Variants in ANGEL1 observed in about 807,000 individuals in gnomAD.
ANGEL1 encodes angel homolog 1.
ANGEL1 carries 62 observed loss-of-function variants against 76.4 expected under a neutral mutation model. That is an observed-to-expected ratio of 0.81 (90% CI 0.66 to 1.00). The LOEUF is 1.00. Ranked by LOEUF, ANGEL1 falls within the 50% of genes least tolerant of loss-of-function variation. The pLI is 0.00. For synonymous variants in ANGEL1, 340 were observed against 331.7 expected, an observed-to-expected ratio of 1.03 and a Z score of -0.27; for missense variants, 737 against 836.7, an observed-to-expected ratio of 0.88 and a Z score of 1.47.
intron 7 of ANGEL1, among the ~76,000 whole-genome samples, chr14:76,794,398 G>A (rs946830725): frequency 2.6e-5 from 4 of 152,048 alleles, no homozygotes; most frequent in Admixed American, 6.6e-5. Context: ...TAGGCCAGGC[G>A]CAGTGGCTCA....
chr14:76,793,713 A>G (rs1894490007), intron 7 of ANGEL1, among the ~76,000 whole-genome samples: 1 of 151,988 alleles, frequency 6.6e-6, no homozygotes, highest in Non-Finnish European at 1.5e-5. Flanking sequence ...AATCTATCTT[A>G]TCCATGGGGG....
intron 9 of ANGEL1, 129 bp downstream of exon 9, chr14:76,790,482 G>T: frequency 6.9e-7 from 1 of 1,459,668 alleles, no homozygotes. Flanking sequence ...CCAGTGCAAG[G>T]GAGGTATGAA....
At position 76,806,440 on chromosome 14, in the gene ANGEL1, C is replaced by A; in HGVS notation, c.1356G>T (p.Gln452His). 1 of 1,613,588 alleles carries A rather than the reference C, an allele frequency of 6.2e-7. No individual in the cohort carries two copies. The highest frequency in any genetic ancestry group is 2.2e-5 in the East Asian group (1 of 44,846). Residue 452 changes from glutamine (Q) to histidine (H), a missense_variant, in exon 5 of 10, where the codon CAG becomes CAT. Coordinates refer to ENST00000251089, the MANE Select transcript of ANGEL1 (RefSeq NM_015305.4). Reference sequence around the variant, plus strand: ...CCTTCCAGGCTGGCATCCCATGGTACTGGAGCTCTCCATCCCTGATGAAGT... The same window carrying A: ...CCTTCCAGGCTGGCATCCCATGGTAATGGAGCTCTCCATCCCTGATGAAGT... ...LYNFIRDGEL[Q>H]YHGMPAWKVS...
rs757378080 is a variant in ANGEL1 at position 76,809,246 on chromosome 14, C to G, written c.462G>C (p.Ser154=). ...GSMWAAIPMQ[S]EPQYADCAAL... ...CAGCACAGTCTGCATACTGGGGCTC[C>G]GACTGCATGGGGATAGCTGCCCACA... Residue 154 remains serine, a synonymous_variant, in exon 2 of 10, where the codon TCG becomes TCC. Transcript: ENST00000251089. 6.2e-7 allele frequency: 1 copy of G among 1,613,016 alleles called. No individual in the cohort carries two copies. Among genetic ancestry groups the G allele is most frequent in the Non-Finnish European group, 8.5e-7 (1 of 1,179,532 alleles).
chr14:76,789,030 G>A lies in ANGEL1; in HGVS notation c.*198C>T, dbSNP rs1241201339. 1.4e-5 allele frequency: 9 copies of A among 664,314 alleles called. No homozygotes were observed. The highest frequency in any genetic ancestry group is 1.1e-4 in the South Asian group (6 of 52,426). 41.2% of individuals were successfully genotyped at this position (664,314 alleles called of 1,614,324 possible). A position where few individuals can be genotyped will look rare whatever the true frequency, so the allele number is the denominator to read the frequency against. On this transcript the variant is annotated 3_prime_UTR_variant, in exon 10 of 10. Transcript: ENST00000251089. Reference sequence around the variant, plus strand: ...TGTGGCACAGGATTAGGAAGAGGCTGGGGTGGGGCAAGGACCACAGGCAGA... The same window carrying A: ...TGTGGCACAGGATTAGGAAGAGGCTAGGGTGGGGCAAGGACCACAGGCAGA...
intron 5 of ANGEL1, chr14:76,804,373 A>G (rs1894854056): frequency 1.9e-6 from 2 of 1,031,180 alleles, no homozygotes; most frequent in African/African-American, 1.7e-5. Flanking sequence ...AAAGCACTTT[A>G]CCGTATCTAC....
intron 2 of ANGEL1, among the ~76,000 whole-genome samples, chr14:76,808,559 C>T (rs1239984343): frequency 6.6e-6 from 1 of 152,172 alleles, no homozygotes; most frequent in Non-Finnish European, 1.5e-5. Context: ...GTCTGTGGGA[C>T]TAGAAACTAT....
At position 76,787,235 on chromosome 14, in the gene ANGEL1, G is replaced by C. The variant is rs1894281784; in HGVS notation, c.*1993C>G. On this transcript the variant is annotated 3_prime_UTR_variant, in exon 10 of 10. Coordinates refer to ENST00000251089, the MANE Select transcript of ANGEL1 (RefSeq NM_015305.4). ...AATCCCTTCAGGATCCTAATAAAAT[G>C]AACAACATTGGGGGGAAAAAAGGTA... The C allele has an allele frequency of 6.6e-6, 1 of 151,994 alleles. No individual in the cohort carries two copies. The allele number at this position is 151,994 out of a possible 1,614,324, so 9.4% of individuals were successfully genotyped here. A position where few individuals can be genotyped will look rare whatever the true frequency, so the allele number is the denominator to read the frequency against.
At chr14:76,803,562 C>T (rs1014395349) in intron 6 of ANGEL1, 81 bp from the exon 7 acceptor site, 2 of 1,433,604 alleles carry the variant, frequency 1.4e-6, no homozygotes, top group South Asian at 1.2e-5. Context: ...AAGCAACTTC[C>T]AGCATAGGTA....
At chr14:76,809,000 T>C in intron 2 of ANGEL1, 59 bp downstream of exon 2, 1 of 1,494,128 alleles carries the variant, frequency 6.7e-7, no homozygotes, top group Non-Finnish European at 9.1e-7. Flanking sequence ...TAGCAATGGC[T>C]CTGCCCACAC....
chr14:76,808,666 CA>C (rs1220966877), intron 2 of ANGEL1, among the ~76,000 whole-genome samples: 5 of 152,274 alleles, frequency 3.3e-5, no homozygotes, highest in African/African-American at 9.6e-5. Context: ...CAATATACAA[CA>C]CAAATAAAAC....
rs1365265850 is a variant in ANGEL1 at position 76,788,120 on chromosome 14, T to C, written c.*1108A>G. The C allele has an allele frequency of 6.6e-6, 1 of 152,226 alleles. No homozygotes were observed. Among genetic ancestry groups the C allele is most frequent in the Non-Finnish European group, 1.5e-5 (1 of 68,062 alleles). 9.4% of individuals were successfully genotyped at this position (152,226 alleles called of 1,614,324 possible). On this transcript the variant is annotated 3_prime_UTR_variant, in exon 10 of 10. Coordinates refer to ENST00000251089, the MANE Select transcript of ANGEL1 (RefSeq NM_015305.4). Reference sequence around the variant, plus strand: ...TGGAAGGGAAGCGGGAGATGGGAGATAGCAGAAAGTAAAAAGTGGTGGAAG... The same window carrying C: ...TGGAAGGGAAGCGGGAGATGGGAGACAGCAGAAAGTAAAAAGTGGTGGAAG...
intron 7 of ANGEL1, among the ~76,000 whole-genome samples, chr14:76,800,545 C>T (rs1355311510): frequency 6.6e-6 from 1 of 152,230 alleles, no homozygotes; most frequent in African/African-American, 2.4e-5. Flanking sequence ...GTTTTCCCAG[C>T]CATTGCCTTC....
At chr14:76,790,460 T>C (rs1894370646) in intron 9 of ANGEL1, 151 bp downstream of exon 9, 3 of 1,346,688 alleles carry the variant, frequency 2.2e-6, no homozygotes, top group South Asian at 1.9e-5. Flanking sequence ...ATGGGGAGAA[T>C]GATAAGGATG....
rs561312929 is a variant in ANGEL1 at position 76,801,112 on chromosome 14, C to CT, written c.1618+2258dup. Among the ~76,000 whole-genome samples, 402 of 142,512 alleles carry CT rather than the reference C, an allele frequency of 2.8e-3. 2 individuals are homozygous for CT. Among genetic ancestry groups the CT allele is most frequent in the Middle Eastern group, 3.6e-3 (1 of 274 alleles). The allele number at this position is 142,512 out of a possible 152,430, so 93.5% of individuals were successfully genotyped here. A position where few individuals can be genotyped will look rare whatever the true frequency, so the allele number is the denominator to read the frequency against. The stretch of plus-strand genomic sequence containing the variant: ...TGTCTTAGTATTAATTCTCCTACAT[C>CT]TTTTTTTTTTTTTTTTGAGACACAG... On this transcript the variant is annotated intron_variant, in intron 7 of 9. Coordinates refer to ENST00000251089, the MANE Select transcript of ANGEL1 (RefSeq NM_015305.4).
At chr14:76,793,367 GAGAGGGGAAAGAGGA>G (rs1446842216) in intron 7 of ANGEL1, among the ~76,000 whole-genome samples, 1 of 108,198 alleles carries the variant, frequency 9.2e-6, no homozygotes, top group Admixed American at 9.3e-5. Context: ...GGAGAAAGAG[GAGAGGGGAAAGAGGA>G]GAGGGGAGAG....
In ANGEL1 at chr14:76,806,738, C is replaced by A. The variant is rs368520839; in HGVS notation, c.1058G>T (p.Arg353Leu). ...LLCASPVEYF[R>L]PGLELLNRDN... ...CCGATTAAGTAGCTCCAAGCCAGGCCGGAAGTACTCCACAGGGCTAGCACA... is the reference window on the plus strand; with the variant it reads ...CCGATTAAGTAGCTCCAAGCCAGGCAGGAAGTACTCCACAGGGCTAGCACA... The change falls in exon 5 of 10, where the codon CGG becomes CTG. Residue 353 changes from arginine (R) to leucine (L), a missense_variant. This residue lies in a region of ANGEL1 where 441 missense variants were observed against 449.5 expected (regional missense o/e 0.98). Coordinates refer to ENST00000251089, the MANE Select transcript of ANGEL1 (RefSeq NM_015305.4). 1.9e-6 allele frequency: 3 copies of A among 1,613,988 alleles called. No homozygotes were observed. The highest frequency in any genetic ancestry group is 2.5e-6 in the Non-Finnish European group (3 of 1,180,036).
intron 1 of ANGEL1, 55 bp downstream of exon 1, chr14:76,812,709 C>A: frequency 6.8e-7 from 1 of 1,464,922 alleles, no homozygotes; most frequent in Non-Finnish European, 9.0e-7. Context: ...CCCGCGGAGC[C>A]CCGCAGAGGC....
At position 76,809,631 on chromosome 14, in the gene ANGEL1, G is replaced by C. The variant is rs766085089; in HGVS notation, c.77C>G (p.Thr26Arg). The C allele has an allele frequency of 4.3e-6, 7 of 1,612,886 alleles. No homozygotes were observed. ...CGCCAGAAGGACATTTTTTCGACAT[G>C]TGAAGAAAGCATCTAGGAGGAAAGC... ...LFRALSDAFF[T>R]CRKNVLLANS... The change falls in exon 2 of 10, where the codon ACA becomes AGA. Residue 26 changes from threonine (T) to arginine (R), a missense_variant. Thr to Arg is a moderately conservative substitution (Grantham distance 71). This residue lies in a region of ANGEL1 where 441 missense variants were observed against 449.5 expected (regional missense o/e 0.98). Transcript: ENST00000251089.
Sources: allele counts gnomAD v4.1 joint callset (sites outside exome capture counted in the v4.1 genomes callset), GRCh38; gene constraint gnomAD v4.1.1; regional missense constraint gnomAD v4.1.1; transcripts MANE v1.5; gene names NCBI Gene and HGNC (gene_info 2026-07-23, HGNC 2026-07-21).